Variants in EPAS1 observed in about 807,000 individuals in gnomAD.
EPAS1 encodes the protein endothelial PAS domain protein 1, also known as endothelial PAS domain-containing protein 1.
A neutral mutation model predicts 87.9 loss-of-function variants in EPAS1; 23 were observed. That is an observed-to-expected ratio of 0.26 (90% CI 0.19 to 0.37). The LOEUF (loss-of-function observed/expected upper bound fraction) is 0.37. EPAS1 is among the 10% of genes least tolerant of loss of function. The probability of loss-of-function intolerance (pLI) is 1.00; values close to 1 mark genes in which losing one functional copy is unlikely to be tolerated. For synonymous variants in EPAS1, 508 were observed against 444.3 expected, an observed-to-expected ratio of 1.14 and a Z score of -1.80; for missense variants, 1,138 against 1,120.7, an observed-to-expected ratio of 1.02 and a Z score of -0.22.
intron 15 of EPAS1, among the ~76,000 whole-genome samples, chr2:46,384,022 T>G (rs1183795357): frequency 6.6e-6 from 1 of 152,164 alleles, no homozygotes; most frequent in East Asian, 1.9e-4. Context: ...TGCCACTCCC[T>G]GGTCTGCCTC....
At position 46,380,437 on chromosome 2, in the gene EPAS1, C is replaced by G. The variant is rs1036380027; in HGVS notation, c.1765C>G (p.Gln589Glu). The G allele has an allele frequency of 3.1e-6, 5 of 1,614,084 alleles. No individual in the cohort carries two copies. Among genetic ancestry groups the G allele is most frequent in the Admixed American group, 3.3e-5 (2 of 60,006 alleles). ...CAGTCCCTTCCTCCTGGACAAGTTTCAGCAGCAGCTGGAGAGCAAGAAGAC... is the reference window on the plus strand; with the variant it reads ...CAGTCCCTTCCTCCTGGACAAGTTTGAGCAGCAGCTGGAGAGCAAGAAGAC... ...PHSPFLLDKF[Q>E]QQLESKKTEP... is the part of the protein sequence containing the mutation. Residue 589 changes from glutamine to glutamate, a missense_variant, in exon 12 of 16, where the codon CAG becomes GAG. This residue lies in a region of EPAS1 where 502 missense variants were observed against 427.1 expected (regional missense o/e 1.18). Transcript: ENST00000263734. The surrounding 1 kb of genome is among the most constrained non-coding windows in gnomAD (Gnocchi z 4.4).
chr2:46,338,676 A>G (rs988456411), intron 1 of EPAS1, among the ~76,000 whole-genome samples: 2 of 152,210 alleles, frequency 1.3e-5, no homozygotes, highest in South Asian at 2.1e-4. Flanking sequence ...CACCAGTTTT[A>G]GCACAGCTGG....
chr2:46,384,456 T>C lies in EPAS1; in HGVS notation c.2462-53T>C, dbSNP rs1021106656. 4.3e-6 allele frequency: 7 copies of C among 1,613,510 alleles called. No individual in the cohort carries two copies. In the Admixed American group the frequency reaches 1.2e-4, roughly 27 times the overall value. On this transcript the variant is annotated intron_variant, in intron 15 of 15. Coordinates refer to ENST00000263734, the MANE Select transcript of EPAS1 (RefSeq NM_001430.5). The stretch of plus-strand genomic sequence containing the variant: ...CCCCAGTCACAAAGAAGTAGACACT[T>C]TTCCAAATGTTCGATTTAGGCCTTT...
At chr2:46,342,361 T>C (rs1683930566) in intron 1 of EPAS1, among the ~76,000 whole-genome samples, 1 of 152,186 alleles carries the variant, frequency 6.6e-6, no homozygotes, top group Non-Finnish European at 1.5e-5. Context: ...GACCTTTATT[T>C]CCTCCATTCT....
rs552893012 is a variant in EPAS1 at position 46,354,352 on chromosome 2, GT to G, written c.218-1798del. Among the ~76,000 whole-genome samples the G allele has an allele frequency of 7.9e-5, 12 of 152,224 alleles. No homozygotes were observed. The South Asian group carries it at 2.5e-3, about 32-fold the overall frequency. ...CTCATCCACTTGTTCTGTAAATCAA[GT>G]GAGGCATATTTTGATTGATGTTTGC... On this transcript the variant is annotated intron_variant, in intron 2 of 15. Transcript: ENST00000263734.
chr2:46,380,793 G>C lies in EPAS1; in HGVS notation c.2045+76G>C, dbSNP rs1436379132. 1 of 1,596,872 alleles carries C rather than the reference G, an allele frequency of 6.3e-7. No homozygotes were observed. The highest frequency in any genetic ancestry group is 8.5e-7 in the Non-Finnish European group (1 of 1,179,112). ...CACTAGTAAGATAGCTGGACCCCCA[G>C]GGAGGCCCCTGCCCCTCTCCCCAGC... On this transcript the variant is annotated intron_variant, in intron 12 of 15. Coordinates refer to ENST00000263734, the MANE Select transcript of EPAS1 (RefSeq NM_001430.5). The surrounding 1 kb of genome is among the most constrained non-coding windows in gnomAD (Gnocchi z 4.4).
rs139853459 is a variant in EPAS1, at chr2:46,355,969, G to A, written c.218-182G>A. 14 of 684,678 alleles carry A rather than the reference G, an allele frequency of 2.0e-5. No individual in the cohort carries two copies. In the African/African-American group the frequency reaches 2.3e-4, roughly 11 times the overall value. The allele number at this position is 684,678 out of a possible 1,614,324, so 42.4% of individuals were successfully genotyped here. Reference sequence around the variant, plus strand: ...CTGTCCTCACAGCTCCCGTCAGGGTGTCCTCTGTGCAGTGGTGCCTGCTGC... The same window carrying A: ...CTGTCCTCACAGCTCCCGTCAGGGTATCCTCTGTGCAGTGGTGCCTGCTGC... On this transcript the variant is annotated intron_variant, in intron 2 of 15. Coordinates refer to ENST00000263734, the MANE Select transcript of EPAS1 (RefSeq NM_001430.5).
At chr2:46,334,620 C>T (rs1350934323) in intron 1 of EPAS1, among the ~76,000 whole-genome samples, 1 of 152,220 alleles carries the variant, frequency 6.6e-6, no homozygotes, top group Non-Finnish European at 1.5e-5. Context: ...TCTCTGCAAG[C>T]TCCCTGAGGT....
In EPAS1 at chr2:46,356,258, A is replaced by G. The variant is rs769826431; in HGVS notation, c.325A>G (p.Ile109Val). 4 of 1,614,124 alleles carry G rather than the reference A, an allele frequency of 2.5e-6. No homozygotes were observed. In the South Asian group the frequency reaches 4.4e-5, roughly 18 times the overall value. The change falls in exon 3 of 16, where the codon ATC becomes GTC. Residue 109 changes from isoleucine (I) to valine (V), a missense_variant. Ile to Val is a conservative substitution (Grantham distance 29, BLOSUM62 3). This residue lies in a region of EPAS1 where 351 missense variants were observed against 417.1 expected (regional missense o/e 0.84). Transcript: ENST00000263734. ...CGTGGTGACCCAAGATGGCGACATG[A>G]TCTTTCTGTCAGAAAACATCAGCAA... ...IAVVTQDGDM[I>V]FLSENISKFM...
At chr2:46,359,154 G>A (rs1684333665) in intron 4 of EPAS1, among the ~76,000 whole-genome samples, 1 of 149,626 alleles carries the variant, frequency 6.7e-6, no homozygotes, top group African/African-American at 2.5e-5. Flanking sequence ...AGCTACTTGG[G>A]AGGCTGAGGC....
chr2:46,384,292 G>A (rs192666133), intron 15 of EPAS1, among the ~76,000 whole-genome samples: 4 of 152,232 alleles, frequency 2.6e-5, no homozygotes, highest in African/African-American at 7.2e-5. Context: ...CGCACCTCAC[G>A]CTTTCCTCTT....
intron 7 of EPAS1, among the ~76,000 whole-genome samples, chr2:46,374,429 T>C (rs1684688957): frequency 6.6e-6 from 1 of 152,228 alleles, no homozygotes; most frequent in South Asian, 2.1e-4. Context: ...TTGGTGACAG[T>C]TGGTCAACAC....
At chr2:46,362,499 C>T (rs1456636439) in intron 6 of EPAS1, among the ~76,000 whole-genome samples, 1 of 152,164 alleles carries the variant, frequency 6.6e-6, no homozygotes, top group Non-Finnish European at 1.5e-5. Context: ...AGAATCTGAC[C>T]CCCAGATCAG....
At chr2:46,368,194 T>C (rs1039713032) in intron 6 of EPAS1, among the ~76,000 whole-genome samples, 1 of 152,190 alleles carries the variant, frequency 6.6e-6, no homozygotes, top group Non-Finnish European at 1.5e-5. Flanking sequence ...TTGTGCATAC[T>C]CCTTAGGACT....
At chr2:46,327,074 G>C (rs1055358307) in intron 1 of EPAS1, among the ~76,000 whole-genome samples, 1 of 152,198 alleles carries the variant, frequency 6.6e-6, no homozygotes, top group Non-Finnish European at 1.5e-5. Context: ...GGACCAGCAG[G>C]GGCCGTGCTG....
At chr2:46,381,917 G>A (rs1362664998) in intron 13 of EPAS1, 58 bp from the exon 14 acceptor site, 1 of 482,030 alleles carries the variant, frequency 2.1e-6, no homozygotes, top group Non-Finnish European at 4.0e-6. Context: ...AACCCACCCA[G>A]TCTGGGGACC....
rs906229688 is a variant in EPAS1 at position 46,347,592 on chromosome 2, C to T, written c.217+529C>T. ...TAAACATACTTCTTGCCCAGGGTGTCGGTGAGAATGGACTGAAATGATGTC... is the reference window on the plus strand; with the variant it reads ...TAAACATACTTCTTGCCCAGGGTGTTGGTGAGAATGGACTGAAATGATGTC... On this transcript the variant is annotated intron_variant, in intron 2 of 15. Transcript: ENST00000263734. The surrounding 1 kb of genome is among the most constrained non-coding windows in gnomAD (Gnocchi z 4.2). 2.1e-5 allele frequency: 4 copies of T among 193,060 alleles called. No homozygotes were observed. Among genetic ancestry groups the T allele is most frequent in the South Asian group, 1.0e-4 (1 of 9,724 alleles). 12.0% of individuals were successfully genotyped at this position (193,060 alleles called of 1,614,324 possible). A position where few individuals can be genotyped will look rare whatever the true frequency, so the allele number is the denominator to read the frequency against.
chr2:46,322,085 T>C (rs76506595), intron 1 of EPAS1, among the ~76,000 whole-genome samples: 276 of 152,270 alleles, frequency 1.8e-3, no homozygotes, highest in Non-Finnish European at 3.2e-3. Context: ...ATTGTTGTCA[T>C]CTACTACGGA....
At chr2:46,378,228 T>A in intron 10 of EPAS1, 141 bp downstream of exon 10, 1 of 1,404,562 alleles carries the variant, frequency 7.1e-7, no homozygotes, top group Non-Finnish European at 9.4e-7. Context: ...GACACTTACC[T>A]ACCAGGTATC....
Sources: gnomAD v4.1 joint callset for allele counts (sites outside exome capture counted in the v4.1 genomes callset) on GRCh38, gnomAD v4.1.1 for gene constraint, gnomAD v4.1.1 regional missense constraint, Gnocchi (gnomAD v3.1) non-coding constraint, MANE v1.5 for transcripts, NCBI Gene and HGNC (gene_info 2026-07-23, HGNC 2026-07-21) for gene names.